MAF: variants seen among roughly 807,000 people sequenced by gnomAD.
MAF encodes transcription factor Maf.
A neutral mutation model predicts 22.0 loss-of-function variants in MAF; 10 were observed. The observed-to-expected ratio is 0.45, with a 90% CI of 0.28 to 0.77. The LOEUF is 0.77. Ranked by LOEUF, MAF falls within the 30% of genes least tolerant of loss-of-function variation. The pLI is 0.12. For synonymous variants in MAF, 337 were observed against 255.8 expected (o/e 1.32, Z -3.03); for missense variants, 544 against 548.4 (o/e 0.99, Z 0.08).
the MAF span, among the ~76,000 whole-genome samples, chr16:79,388,591 A>T: frequency 6.6e-6 from 1 of 152,202 alleles, no homozygotes; most frequent in African/African-American, 2.4e-5. Context: ...TCTATCTATA[A>T]GCCTTTGTTT....
At chr16:79,307,241 G>C in the MAF span, among the ~76,000 whole-genome samples, 8 of 152,204 alleles carry the variant, frequency 5.3e-5, no homozygotes, top group Non-Finnish European at 1.0e-4. Context: ...CACAGGGCCT[G>C]CCTATCATAA....
the MAF span, among the ~76,000 whole-genome samples, chr16:79,413,745 T>C: frequency 6.6e-6 from 1 of 152,208 alleles, no homozygotes; most frequent in Non-Finnish European, 1.5e-5. Context: ...TATTAGTTAT[T>C]TTCCTTCTTA....
At chr16:79,471,946 C>T in the MAF span, among the ~76,000 whole-genome samples, 1 of 152,272 alleles carries the variant, frequency 6.6e-6, no homozygotes, top group African/African-American at 2.4e-5. Context: ...TGCAGACATG[C>T]TTTCTCCCTC....
rs1252825160 is a variant in MAF at position 79,599,458 on chromosome 16, A to AGGCGCC, written c.439_444dup (p.Gly147_Ala148dup). ...ATCTCCTCGCCGCTGCCGCCCAAGGAGGCGCCGGCACCGGCCCCGGCCGCC... is the reference window on the plus strand; with the variant it reads ...ATCTCCTCGCCGCTGCCGCCCAAGGAGGCGCCGGCGCCGGCACCGGCCCCGGCCGCC... On this transcript the variant is annotated inframe_insertion, in exon 1 of 2. Transcript: ENST00000326043. 3.0e-6 allele frequency: 4 copies of AGGCGCC among 1,312,532 alleles called. No homozygotes were observed. Among genetic ancestry groups the AGGCGCC allele is most frequent in the Admixed American group, 4.2e-5 (1 of 24,058 alleles). 81.3% of individuals were successfully genotyped at this position (1,312,532 alleles called of 1,614,324 possible).
the MAF span, among the ~76,000 whole-genome samples, chr16:79,557,346 C>A: frequency 6.6e-6 from 1 of 152,016 alleles, no homozygotes; most frequent in African/African-American, 2.4e-5. Flanking sequence ...ATAAGCTTCT[C>A]TTTGCCAATG....
chr16:79,340,484 A>C, the MAF span, among the ~76,000 whole-genome samples: 1 of 151,368 alleles, frequency 6.6e-6, no homozygotes, highest in Admixed American at 6.6e-5. Context: ...AGTCAAGGCC[A>C]TGCCTTTCTG....
At chr16:79,235,260 C>A in the MAF span, among the ~76,000 whole-genome samples, 5 of 151,756 alleles carry the variant, frequency 3.3e-5, no homozygotes, top group Admixed American at 3.3e-4. Context: ...GTTTGGCACA[C>A]GGGACTATAA....
At chr16:79,539,825 C>T in the MAF span, among the ~76,000 whole-genome samples, 2 of 152,198 alleles carry the variant, frequency 1.3e-5, no homozygotes, top group Non-Finnish European at 2.9e-5. Context: ...TCATGTCAGA[C>T]ACTCTGAGGC....
chr16:79,272,892 C>G, the MAF span, among the ~76,000 whole-genome samples: 934 of 152,210 alleles, frequency 6.1e-3, 11 homozygotes, highest in African/African-American at 0.021. Flanking sequence ...TTGATTGACC[C>G]CCTTGCCAAA....
chr16:79,493,478 C>T, the MAF span, among the ~76,000 whole-genome samples: 1 of 152,170 alleles, frequency 6.6e-6, no homozygotes, highest in Non-Finnish European at 1.5e-5. Flanking sequence ...CCGCACCTGG[C>T]CTCTTTTTGT....
chr16:79,445,985 G>A, the MAF span, among the ~76,000 whole-genome samples: 13 of 152,036 alleles, frequency 8.6e-5, no homozygotes, highest in Admixed American at 4.6e-4. Context: ...GCCTTTCTTC[G>A]GACAATGACC....
At chr16:79,581,271 T>G (rs1192810105), downstream of MAF, among the ~76,000 whole-genome samples, 1 of 152,180 alleles carries the variant, frequency 6.6e-6, no homozygotes, top group Admixed American at 6.5e-5. Flanking sequence ...CTCCCCCATT[T>G]CCTGTTCATC....
At chr16:79,576,674 A>C in the MAF span, among the ~76,000 whole-genome samples, 2 of 152,164 alleles carry the variant, frequency 1.3e-5, no homozygotes, top group Non-Finnish European at 2.9e-5. Context: ...AGTGATTCTA[A>C]AACAAACCAA....
chr16:79,298,037 G>T, the MAF span, among the ~76,000 whole-genome samples: 3 of 152,384 alleles, frequency 2.0e-5, no homozygotes, highest in East Asian at 5.8e-4. Context: ...GAATGAAAAT[G>T]CAGGGCTACT....
the MAF span, among the ~76,000 whole-genome samples, chr16:79,216,304 A>G: frequency 6.6e-6 from 1 of 152,094 alleles, no homozygotes; most frequent in East Asian, 1.9e-4. Context: ...TTATAGATGT[A>G]TAACACATAT....
chr16:79,259,576 C>T, the MAF span, among the ~76,000 whole-genome samples: 1 of 152,094 alleles, frequency 6.6e-6, no homozygotes, highest in African/African-American at 2.4e-5. Flanking sequence ...GTAGGTGCTC[C>T]GTAAATCATT....
the MAF span, among the ~76,000 whole-genome samples, chr16:79,397,539 T>C: frequency 6.3e-3 from 960 of 152,340 alleles, 11 homozygotes; most frequent in African/African-American, 0.021. Flanking sequence ...TTGTAGTTTT[T>C]GTTAAAACAT....
the MAF span, among the ~76,000 whole-genome samples, chr16:79,321,084 C>T: frequency 7.2e-5 from 11 of 152,192 alleles, no homozygotes; most frequent in East Asian, 1.9e-4. Context: ...CATTACTGTC[C>T]GTTTGTTTAC....
the MAF span, chr16:79,206,604 T>C: frequency 6.6e-6 from 1 of 152,216 alleles, no homozygotes; most frequent in African/African-American, 2.4e-5. Flanking sequence ...ACTCGTTGGC[T>C]ACAACTCACT....
Sources: allele counts gnomAD v4.1 joint callset (sites outside exome capture counted in the v4.1 genomes callset), GRCh38; gene constraint gnomAD v4.1.1; transcripts MANE v1.5; gene names NCBI Gene and HGNC (gene_info 2026-07-23, HGNC 2026-07-21).